The following STX17 variants were observed in gnomAD, a reference collection of about 807,000 sequenced individuals.
The protein encoded by STX17 is syntaxin 17, also known as syntaxin-17.
A neutral mutation model predicts 35.9 loss-of-function variants in STX17; 29 were observed. The ratio of observed to expected loss-of-function variants is 0.81; its 90% CI spans 0.60 to 1.10. STX17 has a LOEUF of 1.10. STX17 is among the 50% of genes least tolerant of loss of function. The pLI is 0.00. For missense variants in STX17, 312 were observed against 352.3 expected (o/e 0.89, Z 0.92); for synonymous variants, 92 against 118.3 (o/e 0.78, Z 1.44).
intron 3 of STX17, among the ~76,000 whole-genome samples, chr9:99,937,333 A>G (rs1021405512): frequency 6.6e-6 from 1 of 152,150 alleles, no homozygotes; most frequent in South Asian, 2.1e-4. Context: ...CATTATTCAT[A>G]TATTTTTCTG....
At chr9:99,934,729 A>AT (rs1219570826) in intron 3 of STX17, among the ~76,000 whole-genome samples, 1 of 152,182 alleles carries the variant, frequency 6.6e-6, no homozygotes, top group Non-Finnish European at 1.5e-5. Context: ...GCTGTACACA[A>AT]TTTGTTCTCA....
At chr9:99,968,276 G>A (rs2118549344) in intron 7 of STX17, among the ~76,000 whole-genome samples, 158 bp from the exon 8 acceptor site, 1 of 152,292 alleles carries the variant, frequency 6.6e-6, no homozygotes, top group Non-Finnish European at 1.5e-5. Flanking sequence ...AGTACCTGTG[G>A]AATACTTTCT....
Position 99,971,645 on chromosome 9 carries a change from AG to A in STX17, c.*2976del, listed in dbSNP as rs1223346915. On this transcript the variant is annotated 3_prime_UTR_variant, in exon 8 of 8. Coordinates refer to ENST00000259400, the MANE Select transcript of STX17 (RefSeq NM_017919.3). ...TTTGCAGAGGTTTACTCAACTACAA[AG>A]GGGTGAAGCCAGGAATGTTAACTAG... Among the ~76,000 whole-genome samples the A allele has an allele frequency of 6.6e-6, 1 of 152,226 alleles. No individual in the cohort carries two copies. Among genetic ancestry groups the A allele is most frequent in the Non-Finnish European group, 1.5e-5 (1 of 68,036 alleles).
At chr9:99,966,435 C>T (rs1829911271) in intron 6 of STX17, among the ~76,000 whole-genome samples, 1 of 152,138 alleles carries the variant, frequency 6.6e-6, no homozygotes, top group South Asian at 2.1e-4. Flanking sequence ...TTCATGTTTT[C>T]AAATGAAATA....
intron 6 of STX17, 145 bp downstream of exon 6, chr9:99,960,300 CT>C (rs1829803149): frequency 1.2e-6 from 1 of 839,364 alleles, no homozygotes. Context: ...TTTAACTGTT[CT>C]CAAATTCCAG....
chr9:99,941,352 A>G (rs1175423644), intron 3 of STX17, among the ~76,000 whole-genome samples: 5 of 152,170 alleles, frequency 3.3e-5, no homozygotes. Flanking sequence ...CTTCCACAAT[A>G]AAATTCCTGC....
chr9:99,935,238 G>A (rs906552260), intron 3 of STX17, among the ~76,000 whole-genome samples: 1 of 149,984 alleles, frequency 6.7e-6, no homozygotes, highest in African/African-American at 2.5e-5. Flanking sequence ...GCTGAGGCAG[G>A]AGAATGGCGT....
chr9:99,955,019 T>G (rs1829679678), intron 4 of STX17, among the ~76,000 whole-genome samples: 1 of 152,070 alleles, frequency 6.6e-6, no homozygotes, highest in Admixed American at 6.6e-5. Flanking sequence ...TGTGTCTGGT[T>G]TCATTTTTAG....
At chr9:99,907,692 GA>G (rs550441411) in intron 1 of STX17, among the ~76,000 whole-genome samples, 91 of 152,238 alleles carry the variant, frequency 6.0e-4, no homozygotes, top group African/African-American at 2.0e-3. Flanking sequence ...TAAAATTACA[GA>G]AAAGTTTCAA....
At chr9:99,936,650 T>C (rs1829242112) in intron 3 of STX17, among the ~76,000 whole-genome samples, 1 of 152,184 alleles carries the variant, frequency 6.6e-6, no homozygotes, top group Non-Finnish European at 1.5e-5. Context: ...TATCACAGTT[T>C]ATTTGCAAGT....
At chr9:99,960,466 C>CG (rs1349516727) in intron 6 of STX17, among the ~76,000 whole-genome samples, 1 of 150,378 alleles carries the variant, frequency 6.6e-6, no homozygotes, top group Non-Finnish European at 1.5e-5. Context: ...TTTTTTGAGA[C>CG]GGAGTCTCAC....
At chr9:99,911,716 A>G (rs1828669020) in intron 1 of STX17, among the ~76,000 whole-genome samples, 1 of 151,992 alleles carries the variant, frequency 6.6e-6, no homozygotes, top group Admixed American at 6.6e-5. Flanking sequence ...CACTGGGACT[A>G]CAGGCACCCA....
chr9:99,930,299 C>T (rs1829092342), intron 3 of STX17, among the ~76,000 whole-genome samples: 1 of 148,440 alleles, frequency 6.7e-6, no homozygotes, highest in Non-Finnish European at 1.5e-5. Flanking sequence ...ACAGAGTCGC[C>T]CTCTGTCGCC....
chr9:99,964,189 T>C (rs1448099430), intron 6 of STX17, among the ~76,000 whole-genome samples: 1 of 152,148 alleles, frequency 6.6e-6, no homozygotes, highest in African/African-American at 2.4e-5. Flanking sequence ...CCTACAAGTG[T>C]CCCCAACAGG....
intron 1 of STX17, among the ~76,000 whole-genome samples, chr9:99,908,172 T>A (rs1419999644): frequency 3.3e-5 from 5 of 152,174 alleles, no homozygotes; most frequent in Admixed American, 6.5e-5. Context: ...GCTCGTGAGG[T>A]TAATCTTGAT....
chr9:99,966,035 G>A (rs1301941852), intron 6 of STX17, among the ~76,000 whole-genome samples: 1 of 152,202 alleles, frequency 6.6e-6, no homozygotes, highest in Non-Finnish European at 1.5e-5. Flanking sequence ...CCCTTGATCT[G>A]AGCACATATA....
intron 6 of STX17, among the ~76,000 whole-genome samples, chr9:99,963,225 C>T (rs925231808): frequency 1.3e-5 from 2 of 152,170 alleles, no homozygotes; most frequent in African/African-American, 4.8e-5. Context: ...TTAATATCTA[C>T]TAGGTACCCT....
rs935266085 is a variant in STX17 at position 99,969,409 on chromosome 9, T to G, written c.*736T>G. 2.0e-5 allele frequency: 3 copies of G among 152,208 alleles called. No homozygotes were observed. Among genetic ancestry groups the G allele is most frequent in the African/African-American group, 7.2e-5 (3 of 41,452 alleles). The allele number at this position is 152,208 out of a possible 1,614,324, so 9.4% of individuals were successfully genotyped here. A position where few individuals can be genotyped will look rare whatever the true frequency, so the allele number is the denominator to read the frequency against. ...CTCAAAGATCTTGTGCCCTGTGCTG[T>G]CCCTCCCTTGTAATTATGAAAAGTT... On this transcript the variant is annotated 3_prime_UTR_variant, in exon 8 of 8. Coordinates refer to ENST00000259400, the MANE Select transcript of STX17 (RefSeq NM_017919.3).
chr9:99,961,582 C>T (rs1022436553), intron 6 of STX17, among the ~76,000 whole-genome samples: 7 of 152,050 alleles, frequency 4.6e-5, no homozygotes, highest in Non-Finnish European at 7.4e-5. Context: ...TGTATGAATA[C>T]GTGTGTATGT....
Sources: gnomAD v4.1 joint callset for allele counts (sites outside exome capture counted in the v4.1 genomes callset) on GRCh38, gnomAD v4.1.1 for gene constraint, MANE v1.5 for transcripts, NCBI Gene and HGNC (gene_info 2026-07-23, HGNC 2026-07-21) for gene names.